The following LY86 variants were observed in gnomAD, a reference collection of about 807,000 sequenced individuals.
The protein encoded by LY86 is lymphocyte antigen 86, also known as MD-1, RP105-associated.
LY86 carries 20 observed loss-of-function variants against 17.3 expected under a neutral mutation model. That is an observed-to-expected ratio of 1.15 (90% CI 0.81 to 1.68). LY86 has a LOEUF of 1.68. Among genes scored for constraint, LY86 ranks in the 40% most tolerant of loss-of-function variants. The probability of loss-of-function intolerance (pLI) is 0.00; values close to 1 mark genes in which losing one functional copy is unlikely to be tolerated. For missense variants in LY86, 200 were observed against 191.9 expected (o/e 1.04, Z -0.25); for synonymous variants, 74 against 70.6 (o/e 1.05, Z -0.24).
At chr6:6,650,362 T>TC (rs1431533551) in intron 4 of LY86, among the ~76,000 whole-genome samples, 2 of 143,458 alleles carry the variant, frequency 1.4e-5, no homozygotes, top group Non-Finnish European at 3.0e-5. Context: ...TTTGAGAGAG[T>TC]CTTGTTCTGC....
In LY86 at chr6:6,606,964, G is replaced by A. The variant is rs981858619; in HGVS notation, c.137-17962G>A. Among the ~76,000 whole-genome samples, 4 of 152,380 alleles carry A rather than the reference G, an allele frequency of 2.6e-5. No homozygotes were observed. In the East Asian group the frequency reaches 7.7e-4, roughly 29 times the overall value. ...GCTGAGAGCGAGTGAGGGCTGTGAG[G>A]GCTGCCAGCATGCTGTCACCTCTCA... is the stretch of plus-strand genomic sequence containing the variant. On this transcript the variant is annotated intron_variant, in intron 1 of 4. Coordinates refer to ENST00000230568, the MANE Select transcript of LY86 (RefSeq NM_004271.4).
intron 1 of LY86, among the ~76,000 whole-genome samples, chr6:6,590,769 C>T (rs1456878044): frequency 1.3e-5 from 2 of 152,156 alleles, no homozygotes; most frequent in African/African-American, 4.8e-5. Flanking sequence ...TGGCCTCACT[C>T]TAAGCTGGGG....
chr6:6,603,965 G>A (rs1363388748), intron 1 of LY86, among the ~76,000 whole-genome samples: 2 of 152,164 alleles, frequency 1.3e-5, no homozygotes, highest in African/African-American at 2.4e-5. Context: ...GGGAAACTAA[G>A]TCTTCCATGC....
chr6:6,653,118 G>A (rs533336591), intron 4 of LY86, among the ~76,000 whole-genome samples: 17 of 152,260 alleles, frequency 1.1e-4, no homozygotes, highest in East Asian at 3.9e-4. Flanking sequence ...TCATGGGAGC[G>A]TCTAGAATCA....
At chr6:6,613,238 G>A (rs1484989170) in intron 1 of LY86, among the ~76,000 whole-genome samples, 1 of 152,258 alleles carries the variant, frequency 6.6e-6, no homozygotes, top group African/African-American at 2.4e-5. Flanking sequence ...CACTAGGGCC[G>A]CAGGTGGAGC....
intron 4 of LY86, among the ~76,000 whole-genome samples, chr6:6,653,090 A>G (rs1762211698): frequency 6.6e-6 from 1 of 152,210 alleles, no homozygotes; most frequent in South Asian, 2.1e-4. Flanking sequence ...CAGCTGCTCA[A>G]TATTTGAGGA....
intron 1 of LY86, among the ~76,000 whole-genome samples, chr6:6,605,104 C>T (rs1001900881): frequency 1.3e-5 from 2 of 150,916 alleles, no homozygotes; most frequent in Non-Finnish European, 2.9e-5. Flanking sequence ...GAAATGACCC[C>T]AGAAGTCAGT....
chr6:6,603,615 CAAACAAAAA>C (rs1760991987), intron 1 of LY86, among the ~76,000 whole-genome samples: 4 of 114,176 alleles, frequency 3.5e-5, no homozygotes, highest in African/African-American at 1.4e-4. Flanking sequence ...GAAAAAAAAA[CAAACAAAAA>C]AAAACAAAAC....
chr6:6,635,618 G>A (rs1761948711), intron 3 of LY86, among the ~76,000 whole-genome samples: 2 of 152,118 alleles, frequency 1.3e-5, no homozygotes, highest in African/African-American at 2.4e-5. Context: ...TGATTTCTGG[G>A]CCATTTTAGA....
intron 1 of LY86, among the ~76,000 whole-genome samples, chr6:6,602,719 A>G (rs900417055): frequency 1.3e-5 from 2 of 152,140 alleles, no homozygotes; most frequent in African/African-American, 4.8e-5. Flanking sequence ...GTCATATCTC[A>G]AGGGGGAAGA....
chr6:6,610,146 C>T (rs77538181), intron 1 of LY86, among the ~76,000 whole-genome samples: 30 of 152,138 alleles, frequency 2.0e-4, no homozygotes, highest in Non-Finnish European at 1.6e-4. Context: ...AGAGCGAACA[C>T]GTGCGTGCGT....
intron 2 of LY86, among the ~76,000 whole-genome samples, chr6:6,625,439 A>G (rs1254657694): frequency 6.6e-6 from 1 of 152,218 alleles, no homozygotes; most frequent in Non-Finnish European, 1.5e-5. Flanking sequence ...ACAAATTCTT[A>G]AACTTTGACA....
intron 1 of LY86, among the ~76,000 whole-genome samples, chr6:6,611,282 TAGA>T (rs1761324979): frequency 6.6e-6 from 1 of 152,212 alleles, no homozygotes; most frequent in African/African-American, 2.4e-5. Flanking sequence ...CCTGAGTTGG[TAGA>T]AAAGAGCCTA....
Position 6,613,335 on chromosome 6 carries a change from CTCG to C in LY86, c.137-11587_137-11585del, listed in dbSNP as rs962364513. ...AGCGCTATGGAGCAGGGTGGCGCTG[CTCG>C]TCGGGGAGGCTTGGCCTGCTCATAA... On this transcript the variant is annotated intron_variant, in intron 1 of 4. Transcript: ENST00000230568. 2.2e-4 allele frequency among the ~76,000 whole-genome samples: 34 copies of C among 152,238 alleles called. 1 individual carries two copies. Among genetic ancestry groups the C allele is most frequent in the Non-Finnish European group, 2.9e-5 (2 of 68,042 alleles).
chr6:6,644,152 A>T (rs1330164808), intron 3 of LY86, among the ~76,000 whole-genome samples: 1 of 152,218 alleles, frequency 6.6e-6, no homozygotes. Flanking sequence ...GGAAATGGGG[A>T]GAGGGTTGCC....
At chr6:6,614,565 C>T (rs1316662526) in intron 1 of LY86, among the ~76,000 whole-genome samples, 4 of 152,086 alleles carry the variant, frequency 2.6e-5, no homozygotes, top group Admixed American at 2.0e-4. Context: ...TGTTCTTCCA[C>T]GTTCTTCTCC....
At chr6:6,607,802 A>G (rs1273813349) in intron 1 of LY86, among the ~76,000 whole-genome samples, 6 of 152,102 alleles carry the variant, frequency 3.9e-5, no homozygotes, top group African/African-American at 1.4e-4. Context: ...CGGGAGGTTG[A>G]GGCAGGAGAA....
chr6:6,627,904 T>TAATG (rs1163911198), intron 3 of LY86, among the ~76,000 whole-genome samples: 2 of 152,240 alleles, frequency 1.3e-5, no homozygotes. Context: ...ATCTTAGCTT[T>TAATG]AATGAATGAA....
chr6:6,615,368 A>G (rs1427420586), intron 1 of LY86, among the ~76,000 whole-genome samples: 1 of 152,200 alleles, frequency 6.6e-6, no homozygotes, highest in Non-Finnish European at 1.5e-5. Context: ...TTTAATCTCA[A>G]GGGCTGGGAG....
Sources: allele counts gnomAD v4.1 joint callset (sites outside exome capture counted in the v4.1 genomes callset), GRCh38; gene constraint gnomAD v4.1.1; transcripts MANE v1.5; gene names NCBI Gene and HGNC (gene_info 2026-07-23, HGNC 2026-07-21).